TVP23A: variants seen among roughly 807,000 people sequenced by gnomAD.
The protein encoded by TVP23A is trans-golgi network vesicle protein 23 homolog A.
In TVP23A, 21 loss-of-function variants were observed where a neutral mutation model predicts 31.7. The observed-to-expected ratio is 0.66, with a 90% CI of 0.47 to 0.95. TVP23A has a LOEUF of 0.95. Ranked by LOEUF, TVP23A falls within the 40% of genes least tolerant of loss-of-function variation. TVP23A has a pLI of 0.00. For missense variants in TVP23A, 279 were observed against 255.6 expected, an observed-to-expected ratio of 1.09 and a Z score of -0.62; for synonymous variants, 104 against 96.0, an observed-to-expected ratio of 1.08 and a Z score of -0.49.
At position 10,774,939 on chromosome 16, in the gene TVP23A, G is replaced by A. The variant is rs760645305; in HGVS notation, c.234+13C>T. 58 of 1,610,614 alleles carry A rather than the reference G, an allele frequency of 3.6e-5. No homozygotes were observed. Among genetic ancestry groups the A allele is most frequent in the Non-Finnish European group, 4.8e-5 (56 of 1,177,858 alleles). On this transcript the variant is annotated intron_variant, in intron 3 of 7. Transcript: ENST00000299866. ...TGTTTCGGAAGTGATGACATCACACGAAAGGGCCTCACCTTCACAGACCAG... is the reference window on the plus strand; with the variant it reads ...TGTTTCGGAAGTGATGACATCACACAAAAGGGCCTCACCTTCACAGACCAG...
At chr16:10,811,321 T>C (rs779674980) in intron 2 of TVP23A, among the ~76,000 whole-genome samples, 10 of 152,140 alleles carry the variant, frequency 6.6e-5, no homozygotes, top group Non-Finnish European at 1.0e-4. Flanking sequence ...CAGGCTAGAG[T>C]GCAGTGGTGT....
exon 9 of TVP23A, chr16:10,761,333 G>T: frequency 1.2e-6 from 2 of 1,600,138 alleles, no homozygotes; most frequent in Non-Finnish European, 1.7e-6. Flanking sequence ...GCACTTTGAT[G>T]CTGGAATCAC....
chr16:10,794,959 C>A (rs1022817587), intron 2 of TVP23A, among the ~76,000 whole-genome samples: 7 of 152,048 alleles, frequency 4.6e-5, no homozygotes, highest in African/African-American at 1.2e-4. Context: ...GAGGCAGTGG[C>A]CTCTGAACTC....
rs114200970 is a variant in TVP23A, at chr16:10,814,480, A to G, written c.89+3623T>C. 8.4e-3 allele frequency among the ~76,000 whole-genome samples: 1,278 copies of G among 152,054 alleles called. 15 individuals are homozygous for G. The highest frequency in any genetic ancestry group is 0.03 in the African/African-American group (1,230 of 41,464). ...ATCCCTGTCCCTACCCCACATCTTG[A>G]CCACCAGCAAGGCGGGCCGATTCTA... On this transcript the variant is annotated intron_variant, in intron 2 of 7. Coordinates refer to ENST00000299866, the MANE Select transcript of TVP23A (RefSeq NM_001079512.4).
intron 2 of TVP23A, among the ~76,000 whole-genome samples, chr16:10,813,185 T>A (rs1399090133): frequency 1.3e-5 from 2 of 152,210 alleles, no homozygotes; most frequent in Non-Finnish European, 2.9e-5. Flanking sequence ...AACTGTATAA[T>A]AACCACGTGG....
chr16:10,792,879 T>C (rs1352345876), intron 2 of TVP23A, among the ~76,000 whole-genome samples: 1 of 152,216 alleles, frequency 6.6e-6, no homozygotes, highest in Non-Finnish European at 1.5e-5. Context: ...AAGTGCTCAG[T>C]TTCCATTCAA....
downstream of TVP23A, among the ~76,000 whole-genome samples, chr16:10,760,614 G>A (rs189471976): frequency 6.6e-6 from 1 of 152,282 alleles, no homozygotes; most frequent in East Asian, 1.9e-4. Context: ...GCACATGCCT[G>A]TAGTCCCAGC....
At chr16:10,801,317 G>T (rs1053893549) in intron 2 of TVP23A, among the ~76,000 whole-genome samples, 2 of 152,154 alleles carry the variant, frequency 1.3e-5, no homozygotes, top group South Asian at 4.1e-4. Context: ...GATATAATCA[G>T]GAGAAGCATC....
At position 10,766,960 on chromosome 16, in the gene TVP23A, G is replaced by A; in HGVS notation, c.*2142C>T. ...ATTTTCCTGACTCACTGGGCCATAT[G>A]GGCTCCCCATCTCCCACCAACCCCT... On this transcript the variant is annotated 3_prime_UTR_variant, in exon 8 of 8. Coordinates refer to ENST00000299866, the MANE Select transcript of TVP23A (RefSeq NM_001079512.4). The surrounding 1 kb of genome is among the most constrained non-coding windows in gnomAD (Gnocchi z 4.8). 1 of 398,676 alleles carries A rather than the reference G, an allele frequency of 2.5e-6. No homozygotes were observed. The highest frequency in any genetic ancestry group is 4.4e-6 in the Non-Finnish European group (1 of 226,134). 24.7% of individuals were successfully genotyped at this position (398,676 alleles called of 1,614,324 possible).
At position 10,812,705 on chromosome 16, in the gene TVP23A, T is replaced by A. The variant is rs1465307685; in HGVS notation, c.89+5398A>T. On this transcript the variant is annotated intron_variant, in intron 2 of 7. Coordinates refer to ENST00000299866, the MANE Select transcript of TVP23A (RefSeq NM_001079512.4). ...GGGGTCCCTAGAGTAGTCAAATGCA[T>A]ACAGACAGAAAGGAGAATGGTATTT... is the stretch of plus-strand genomic sequence containing the variant. Among the ~76,000 whole-genome samples, 3 of 151,994 alleles carry A rather than the reference T, an allele frequency of 2.0e-5. No individual in the cohort carries two copies. The South Asian group carries it at 6.2e-4, about 32-fold the overall frequency.
chr16:10,816,334 T>C (rs1316960759), intron 2 of TVP23A, among the ~76,000 whole-genome samples: 1 of 140,504 alleles, frequency 7.1e-6, no homozygotes, highest in Non-Finnish European at 1.5e-5. Context: ...ATTATTTAAT[T>C]AAGAATTTTT....
intron 2 of TVP23A, among the ~76,000 whole-genome samples, chr16:10,801,045 T>C (rs1217545929): frequency 6.6e-6 from 1 of 152,214 alleles, no homozygotes; most frequent in African/African-American, 2.4e-5. Context: ...AACAAAAGGA[T>C]GTCCCAGATC....
intron 2 of TVP23A, among the ~76,000 whole-genome samples, chr16:10,806,848 G>C (rs1054271484): frequency 2.0e-5 from 3 of 152,136 alleles, no homozygotes; most frequent in African/African-American, 7.2e-5. Context: ...AATTTCATGT[G>C]AACAAGAAAT....
chr16:10,783,326 C>A (rs1018434110), intron 2 of TVP23A, among the ~76,000 whole-genome samples: 1 of 152,198 alleles, frequency 6.6e-6, no homozygotes. Flanking sequence ...AAAAGCAACA[C>A]ACAAATATTT....
intron 2 of TVP23A, among the ~76,000 whole-genome samples, chr16:10,781,931 G>A (rs1009901113): frequency 3.7e-5 from 5 of 133,458 alleles, no homozygotes; most frequent in East Asian, 5.1e-4. Flanking sequence ...ATATGATCTC[G>A]GCTCACTGCA....
rs1399114246 is a variant in TVP23A, at chr16:10,810,426, A to G, written c.89+7677T>C. Among the ~76,000 whole-genome samples, 11 of 152,104 alleles carry G rather than the reference A, an allele frequency of 7.2e-5. No homozygotes were observed. The South Asian group carries it at 2.3e-3, about 32-fold the overall frequency. ...GGCAGGCGTGGTGGTGCATGCCTGT[A>G]GTCCCAGCTACTCAGGAGGCTGAGG... On this transcript the variant is annotated intron_variant, in intron 2 of 7. Transcript: ENST00000299866.
downstream of TVP23A, among the ~76,000 whole-genome samples, chr16:10,762,672 A>C (rs2030143985): frequency 1.3e-5 from 2 of 151,972 alleles, no homozygotes; most frequent in Admixed American, 1.3e-4. Context: ...GGGATCCAGG[A>C]GTGCCGGCTG....
intron 2 of TVP23A, among the ~76,000 whole-genome samples, chr16:10,783,572 A>G (rs1334339389): frequency 6.6e-6 from 1 of 152,118 alleles, no homozygotes; most frequent in African/African-American, 2.4e-5. Flanking sequence ...GCTGCCGGAG[A>G]GGCTGAGGCA....
chr16:10,769,800 G>C (rs929952630), intron 7 of TVP23A, among the ~76,000 whole-genome samples: 8 of 152,146 alleles, frequency 5.3e-5, no homozygotes, highest in African/African-American at 1.9e-4. Flanking sequence ...ATATAAAAAA[G>C]AGGGACAGAT....
Sources: allele counts gnomAD v4.1 joint callset (sites outside exome capture counted in the v4.1 genomes callset), GRCh38; gene constraint gnomAD v4.1.1; non-coding constraint Gnocchi (gnomAD v3.1); transcripts MANE v1.5; gene names NCBI Gene and HGNC (gene_info 2026-07-23, HGNC 2026-07-21).